RUBCN: variants seen among roughly 807,000 people sequenced by gnomAD.
RUBCN encodes rubicon autophagy regulator, also known as run domain Beclin-1-interacting and cysteine-rich domain-containing protein.
Under a neutral mutation model 113.2 loss-of-function variants are expected in RUBCN, and 74 were observed. That is an observed-to-expected ratio of 0.65 (90% CI 0.54 to 0.79). The LOEUF (loss-of-function observed/expected upper bound fraction) is 0.79. Ranked by LOEUF, RUBCN falls within the 30% of genes least tolerant of loss-of-function variation. RUBCN has a pLI of 0.00. For synonymous variants in RUBCN, 480 were observed against 490.0 expected (o/e 0.98, Z 0.27); for missense variants, 1,109 against 1,251.7 (o/e 0.89, Z 1.72).
intron 1 of RUBCN, among the ~76,000 whole-genome samples, chr3:197,731,775 T>C (rs1254182928): frequency 6.7e-6 from 1 of 149,274 alleles, no homozygotes; most frequent in African/African-American, 2.5e-5. Context: ...CCCTCCCGGA[T>C]GGGGCGGCTG....
At position 197,729,562 on chromosome 3, in the gene RUBCN, G is replaced by A. The variant is rs183928746; in HGVS notation, c.65+7093C>T. On this transcript the variant is annotated intron_variant, in intron 1 of 19. Coordinates refer to ENST00000296343, the MANE Select transcript of RUBCN (RefSeq NM_014687.4). ...GCCACCGCGTCCGGCCCCTGCTTTT[G>A]TTTTGTTCTGTTTTTTGAGACAGTC... 2.6e-5 allele frequency among the ~76,000 whole-genome samples: 4 copies of A among 151,576 alleles called. No homozygotes were observed. The East Asian group carries it at 7.9e-4, about 30-fold the overall frequency.
intron 1 of RUBCN, among the ~76,000 whole-genome samples, chr3:197,731,807 C>T (rs1485427980): frequency 6.6e-6 from 1 of 151,252 alleles, no homozygotes; most frequent in African/African-American, 2.4e-5. Flanking sequence ...GGCTGACCCC[C>T]CCACCTCCCT....
chr3:197,720,629 A>G (rs1028414548), intron 1 of RUBCN, among the ~76,000 whole-genome samples: 2 of 151,880 alleles, frequency 1.3e-5, no homozygotes, highest in Admixed American at 6.6e-5. Context: ...CTGGTCTCAA[A>G]CTCCTGGGCT....
intron 1 of RUBCN, among the ~76,000 whole-genome samples, chr3:197,730,141 A>G (rs1169007993): frequency 1.3e-5 from 2 of 152,158 alleles, no homozygotes; most frequent in Non-Finnish European, 2.9e-5. Context: ...AATAAACTTT[A>G]TATCTGCCCA....
chr3:197,675,130 T>A lies in RUBCN; in HGVS notation c.2807A>T (p.Gln936Leu). The A allele has an allele frequency of 6.2e-7, 1 of 1,613,930 alleles. No individual in the cohort carries two copies. The highest frequency in any genetic ancestry group is 1.1e-5 in the South Asian group (1 of 91,088). The part of the protein sequence containing the change: ...SGSCPRCERL[Q>L]ARREALARQS... ...CCTGGCCAGTGCCTCCCGCCGGGCC[T>A]GCAGCCGCTCGCAGCGCGGACAGCT... The change falls in exon 20 of 20, where the codon CAG becomes CTG. Residue 936 changes from glutamine to leucine, a missense_variant. By Grantham distance (113) the Gln-to-Leu change is moderately radical. Coordinates refer to ENST00000296343, the MANE Select transcript of RUBCN (RefSeq NM_014687.4). This position sits in a 1 kb window ranked among gnomAD's most constrained non-coding sequence, Gnocchi z 4.4.
At position 197,675,470 on chromosome 3, in the gene RUBCN, C is replaced by T; in HGVS notation, c.2692G>A (p.Asp898Asn). 3.1e-6 allele frequency: 5 copies of T among 1,614,134 alleles called. No homozygotes were observed. The highest frequency in any genetic ancestry group is 4.2e-6 in the Non-Finnish European group (5 of 1,180,030). The change falls in exon 19 of 20, where the codon GAT (aspartate) becomes AAT (asparagine). Residue 898 changes from aspartate to asparagine, a missense_variant. Coordinates refer to ENST00000296343, the MANE Select transcript of RUBCN (RefSeq NM_014687.4). The surrounding 1 kb of genome is among the most constrained non-coding windows in gnomAD (Gnocchi z 4.4). ...GFICEFCQNE[D>N]DIIFPFELHK... is the part of the protein sequence containing the mutation. Reference sequence around the variant, plus strand: ...AGCTCAAAGGGAAAGATGATGTCATCCTCATTCTGACAGAACTCACAGATG... The same window carrying T: ...AGCTCAAAGGGAAAGATGATGTCATTCTCATTCTGACAGAACTCACAGATG...
chr3:197,705,580 AAAAAG>A (rs2108920063), intron 2 of RUBCN, among the ~76,000 whole-genome samples: 1 of 151,922 alleles, frequency 6.6e-6, no homozygotes, highest in South Asian at 2.1e-4. Context: ...AAAAAAAAAA[AAAAAG>A]AAAAGGAATT....
In RUBCN at chr3:197,710,280, T is replaced by C. The variant is rs1364492948; in HGVS notation, c.220-5105A>G. 3.3e-5 allele frequency among the ~76,000 whole-genome samples: 5 copies of C among 152,032 alleles called. No individual in the cohort carries two copies. The East Asian group carries it at 9.6e-4, about 29-fold the overall frequency. On this transcript the variant is annotated intron_variant, in intron 2 of 19. Coordinates refer to ENST00000296343, the MANE Select transcript of RUBCN (RefSeq NM_014687.4). ...TTTGACTTACTAAAAGTCAGATATT[T>C]TGGCACAGTAAAAGCCACCATAAGA...
intron 2 of RUBCN, among the ~76,000 whole-genome samples, chr3:197,713,501 C>T (rs1198425542): frequency 6.6e-6 from 1 of 152,132 alleles, no homozygotes; most frequent in Non-Finnish European, 1.5e-5. Context: ...ACTTGGGAGA[C>T]TGAGCAGGTC....
At chr3:197,724,119 A>C (rs755716164) in intron 1 of RUBCN, among the ~76,000 whole-genome samples, 10 of 152,274 alleles carry the variant, frequency 6.6e-5, no homozygotes, top group Non-Finnish European at 1.5e-4. Context: ...TAAAATACCA[A>C]CTACCTTCTT....
intron 13 of RUBCN, 125 bp from the exon 14 acceptor site, chr3:197,682,740 G>T: frequency 3.9e-6 from 5 of 1,282,972 alleles, no homozygotes; most frequent in Non-Finnish European, 5.6e-6. Flanking sequence ...ACACGGACGG[G>T]CTTGAGAAAC....
At chr3:197,738,589 C>A (rs751647580), upstream of RUBCN, among the ~76,000 whole-genome samples, 4 of 152,088 alleles carry the variant, frequency 2.6e-5, no homozygotes, top group Non-Finnish European at 5.9e-5. Context: ...CCTTCTGTGA[C>A]TTTCTTCTCT....
intron 1 of RUBCN, among the ~76,000 whole-genome samples, chr3:197,719,662 G>GTGTC (rs1476592843): frequency 1.3e-5 from 2 of 152,044 alleles, no homozygotes. Context: ...TCACAATGAA[G>GTGTC]TGTCCCTAAG....
chr3:197,715,290 GAAA>G (rs35511002), intron 2 of RUBCN, among the ~76,000 whole-genome samples: 1 of 102,814 alleles, frequency 9.7e-6, no homozygotes, highest in Non-Finnish European at 2.0e-5. Flanking sequence ...ACTCTATCTT[GAAA>G]AAAAAAAAAA....
Position 197,683,316 on chromosome 3 carries a change from G to A in RUBCN, c.1971C>T (p.Ala657=), listed in dbSNP as rs148884163. The change falls in exon 13 of 20, where the codon GCC becomes GCT. Residue 657 remains alanine (A), a synonymous_variant. Coordinates refer to ENST00000296343, the MANE Select transcript of RUBCN (RefSeq NM_014687.4). This position sits in a 1 kb window ranked among gnomAD's most constrained non-coding sequence, Gnocchi z 4.6. ...ELEWLVPEHD[A]PQKLLPIPDS... ...AGAGCTAAGGACCTACCTTCTGAGG[G>A]GCATCATGCTCCGGGACAAGCCACT... 9,843 of 1,614,182 alleles carry A rather than the reference G, an allele frequency of 6.1e-3. 50 individuals are homozygous for A. Among genetic ancestry groups the A allele is most frequent in the Non-Finnish European group, 6.8e-3 (8,065 of 1,180,032 alleles).
At chr3:197,733,850 C>G (rs190860067) in intron 1 of RUBCN, among the ~76,000 whole-genome samples, 1 of 152,202 alleles carries the variant, frequency 6.6e-6, no homozygotes, top group Non-Finnish European at 1.5e-5. Flanking sequence ...TGCAAAGGAG[C>G]TATCCTACTG....
chr3:197,691,041 T>C (rs769584550), intron 11 of RUBCN: 1 of 1,204,362 alleles, frequency 8.3e-7, no homozygotes, highest in South Asian at 1.3e-5. Context: ...CACATGCATC[T>C]ACAAGCACAT....
rs867993059 is a variant in RUBCN at position 197,670,922 on chromosome 3, G to A, written c.*4096C>T. ...GGGAGAAGACAGGAGATGAGGACAC[G>A]CTCACTACTGCAGAGACTTGGTGAG... On this transcript the variant is annotated 3_prime_UTR_variant, in exon 20 of 20. Coordinates refer to ENST00000296343, the MANE Select transcript of RUBCN (RefSeq NM_014687.4). Among the ~76,000 whole-genome samples the A allele has an allele frequency of 1.3e-5, 2 of 152,172 alleles. No homozygotes were observed. The highest frequency in any genetic ancestry group is 6.5e-5 in the Admixed American group (1 of 15,276).
intron 11 of RUBCN, among the ~76,000 whole-genome samples, chr3:197,692,351 C>T (rs550446637): frequency 6.6e-6 from 1 of 151,942 alleles, no homozygotes; most frequent in African/African-American, 2.4e-5. Flanking sequence ...CTTCATGTGG[C>T]TGCTCATTTG....
Sources: allele counts gnomAD v4.1 joint callset (sites outside exome capture counted in the v4.1 genomes callset), GRCh38; gene constraint gnomAD v4.1.1; non-coding constraint Gnocchi (gnomAD v3.1); transcripts MANE v1.5; gene names NCBI Gene and HGNC (gene_info 2026-07-23, HGNC 2026-07-21).